Variants in SYNE2 observed in about 807,000 individuals in gnomAD.
SYNE2 encodes the protein spectrin repeat containing nuclear envelope protein 2.
Under a neutral mutation model 856.3 loss-of-function variants are expected in SYNE2, and 431 were observed. The observed-to-expected ratio is 0.50, with a 90% CI of 0.47 to 0.55. The LOEUF is 0.55. SYNE2 is among the 20% of genes least tolerant of loss of function. The pLI, the probability that SYNE2 is intolerant of heterozygous loss-of-function variation, is 0.00. For missense variants in SYNE2, 8,129 were observed against 8,023.2 expected (o/e 1.01, Z -0.50); for synonymous variants, 2,923 against 2,872.3 (o/e 1.02, Z -0.56).
chr14:63,971,973 T>C (rs1169088521), intron 11 of SYNE2, among the ~76,000 whole-genome samples: 1 of 152,238 alleles, frequency 6.6e-6, no homozygotes, highest in Non-Finnish European at 1.5e-5. Context: ...CAGGAAAAGT[T>C]TGCTGACCCT....
chr14:64,195,038 G>T (rs1247246917), intron 99 of SYNE2, among the ~76,000 whole-genome samples: 1 of 152,102 alleles, frequency 6.6e-6, no homozygotes, highest in Non-Finnish European at 1.5e-5. Context: ...ACACAGGTGG[G>T]GCTGTGTCTT....
chr14:63,847,066 C>G (rs1890249297), intron 1 of SYNE2, among the ~76,000 whole-genome samples: 1 of 151,644 alleles, frequency 6.6e-6, no homozygotes, highest in Non-Finnish European at 1.5e-5. Flanking sequence ...AAGCGATCCT[C>G]CTGTCTTGGC....
rs779916779 is a variant in SYNE2 at position 63,997,285 on chromosome 14, T to C, written c.3153-16T>C. On this transcript the variant is annotated splice_polypyrimidine_tract_variant and intron_variant, in intron 24 of 115. Coordinates refer to ENST00000555002, the MANE Select transcript of SYNE2 (RefSeq NM_182914.3). ...TCTTACCCTCTTTTAAACATGCAAT[T>C]TTGATTCCTTTCTAGGGGGACCATC... is the stretch of plus-strand genomic sequence containing the variant. 7.4e-5 allele frequency: 119 copies of C among 1,610,136 alleles called. No individual in the cohort carries two copies. Among genetic ancestry groups the C allele is most frequent in the Non-Finnish European group, 1.0e-4 (119 of 1,177,456 alleles).
At chr14:64,154,732 G>A (rs2098271770) in intron 85 of SYNE2, among the ~76,000 whole-genome samples, 1 of 147,646 alleles carries the variant, frequency 6.8e-6, no homozygotes, top group African/African-American at 2.5e-5. Context: ...GGTGGAAGGA[G>A]CAGTAAGGCA....
intron 63 of SYNE2, 72 bp from the exon 64 acceptor site, chr14:64,101,860 G>A (rs1372190267): frequency 8.9e-7 from 1 of 1,120,750 alleles, no homozygotes; most frequent in Admixed American, 1.8e-5. Context: ...TAAAAGACGT[G>A]AGTGAGTAGG....
At chr14:64,036,493 C>A (rs535190776) in intron 45 of SYNE2, among the ~76,000 whole-genome samples, 8 of 152,120 alleles carry the variant, frequency 5.3e-5, no homozygotes, top group African/African-American at 1.9e-4. Flanking sequence ...CCATGTTGCC[C>A]GGGCAGGTCT....
At chr14:64,139,733 C>G (rs1567431823) in intron 79 of SYNE2, among the ~76,000 whole-genome samples, 1 of 152,058 alleles carries the variant, frequency 6.6e-6, no homozygotes, top group Non-Finnish European at 1.5e-5. Context: ...ACTGTTCTTG[C>G]TGAGCTGTAA....
rs973015445 is a variant in SYNE2, at chr14:64,048,077, G to A, written c.7299G>A (p.Glu2433=). The A allele has an allele frequency of 1.8e-5, 29 of 1,613,728 alleles. No homozygotes were observed. Among genetic ancestry groups the A allele is most frequent in the Non-Finnish European group, 2.3e-5 (27 of 1,179,790 alleles). Residue 2433 remains glutamate, a synonymous_variant, in exon 46 of 116, where the codon GAG becomes GAA. Coordinates refer to ENST00000555002, the MANE Select transcript of SYNE2 (RefSeq NM_182914.3). ...AAAGCATGAAAAACACTGAAGATGA[G>A]CGGAAAGTCAATGAGCTGCAAAATC... is the stretch of plus-strand genomic sequence containing the variant. ...AQESMKNTED[E]RKVNELQNQP...
In SYNE2 at chr14:64,100,526, AAAAAAATATATATATATATATATAT is replaced by A. The variant is rs1223386058; in HGVS notation, c.12382-1404_12382-1380del. Among the ~76,000 whole-genome samples the A allele has an allele frequency of 2.6e-3, 200 of 76,302 alleles. 18 individuals carry two copies. Among genetic ancestry groups the A allele is most frequent in the African/African-American group, 0.013 (186 of 14,272 alleles). The allele number at this position is 76,302 out of a possible 152,430, so 50.1% of individuals were successfully genotyped here. ...AGCAAAACTGTCTCAAAAAAAAAAAAAAAAAATATATATATATATATATATATATATATATATATATATATTTATG... is the reference window on the plus strand; with the variant it reads ...AGCAAAACTGTCTCAAAAAAAAAAAAATATATATATATATATATATTTATG... On this transcript the variant is annotated intron_variant, in intron 63 of 115. Coordinates refer to ENST00000555002, the MANE Select transcript of SYNE2 (RefSeq NM_182914.3).
chr14:63,984,596 C>T (rs1025527101), intron 18 of SYNE2, among the ~76,000 whole-genome samples: 1 of 152,064 alleles, frequency 6.6e-6, no homozygotes. Context: ...TGGAGGATGA[C>T]TTTAGAGTCA....
chr14:64,117,092 T>C (rs11849394), intron 66 of SYNE2, among the ~76,000 whole-genome samples: 39,646 of 152,050 alleles, frequency 0.26, 8,453 homozygotes, highest in African/African-American at 0.59. Flanking sequence ...CCTGAAACCG[T>C]GGATAGTACC....
At chr14:64,218,144 C>G (rs1464799460) in intron 108 of SYNE2, 2 of 447,248 alleles carry the variant, frequency 4.5e-6, no homozygotes, top group Non-Finnish European at 8.3e-6. Context: ...TGAAACAGAC[C>G]CTTTTCTTCC....
rs1450044909 is a variant in SYNE2, at chr14:64,121,881, G to A, written c.13159-131G>A. On this transcript the variant is annotated intron_variant, in intron 68 of 115. Transcript: ENST00000555002. ...AGTGAGAGTTTACAAGAACAGGAAT[G>A]CAAGAAAGAGAAATAGTAATTAATG... 7 of 1,235,598 alleles carry A rather than the reference G, an allele frequency of 5.7e-6. No homozygotes were observed. The East Asian group carries it at 1.4e-4, about 25-fold the overall frequency. The allele number at this position is 1,235,598 out of a possible 1,614,324, so 76.5% of individuals were successfully genotyped here.
chr14:64,087,916 C>T (rs1020536127), intron 58 of SYNE2, 60 bp downstream of exon 58: 3 of 1,570,462 alleles, frequency 1.9e-6, no homozygotes, highest in African/African-American at 1.4e-5. Flanking sequence ...GCAATGGTGG[C>T]TCATCCCTAT....
chr14:63,986,708 G>A, intron 19 of SYNE2, 91 bp downstream of exon 19: 1 of 1,339,050 alleles, frequency 7.5e-7, no homozygotes, highest in Non-Finnish European at 1.1e-6. Context: ...GTAGTAATAA[G>A]CCTACAGTTT....
intron 32 of SYNE2, among the ~76,000 whole-genome samples, chr14:64,011,968 T>C (rs2096849713): frequency 6.6e-6 from 1 of 152,132 alleles, no homozygotes; most frequent in African/African-American, 2.4e-5. Context: ...TCCTCAGCTG[T>C]ATTTGGCAGC....
intron 107 of SYNE2, chr14:64,215,594 G>T: frequency 1.7e-6 from 1 of 588,342 alleles, no homozygotes. Flanking sequence ...GGCCTGTGCA[G>T]AGGGAATTTT....
intron 1 of SYNE2, among the ~76,000 whole-genome samples, chr14:63,788,896 A>G (rs1184572538): frequency 2.0e-5 from 3 of 152,240 alleles, no homozygotes; most frequent in Admixed American, 2.0e-4. Context: ...TGTATCAAAG[A>G]GATATCTGCA....
chr14:64,015,009 A>G lies in SYNE2; in HGVS notation c.4729-1464A>G, dbSNP rs982004705. The stretch of plus-strand genomic sequence containing the variant: ...CACACACACATATATAAATATATAT[A>G]TGTGTATATATGTATATAAATATAT... On this transcript the variant is annotated intron_variant, in intron 32 of 115. Transcript: ENST00000555002. Among the ~76,000 whole-genome samples the G allele has an allele frequency of 2.8e-5, 4 of 143,580 alleles. No homozygotes were observed. The South Asian group carries it at 6.4e-4, about 23-fold the overall frequency. 94.2% of individuals were successfully genotyped at this position (143,580 alleles called of 152,430 possible).
Sources: allele counts gnomAD v4.1 joint callset (sites outside exome capture counted in the v4.1 genomes callset), GRCh38; gene constraint gnomAD v4.1.1; transcripts MANE v1.5; gene names NCBI Gene and HGNC (gene_info 2026-07-23, HGNC 2026-07-21).